Variants in SMOC1 observed in about 807,000 individuals in gnomAD.
SMOC1 encodes the protein SPARC-related modular calcium-binding protein 1.
In SMOC1, 22 loss-of-function variants were observed where a neutral mutation model predicts 56.3. The ratio of observed to expected loss-of-function variants is 0.39; its 90% CI spans 0.28 to 0.56. The LOEUF (loss-of-function observed/expected upper bound fraction) is 0.56, where lower values mean the gene tolerates loss of function less well. Among genes scored for constraint, SMOC1 ranks in the 20% least tolerant of loss-of-function variants. The pLI, the probability that SMOC1 is intolerant of heterozygous loss-of-function variation, is 0.61. For synonymous variants in SMOC1, 193 were observed against 215.0 expected (o/e 0.90, Z 0.89); for missense variants, 509 against 565.4 (o/e 0.90, Z 1.01).
chr14:69,883,652 G>T (rs1883707122), intron 1 of SMOC1, among the ~76,000 whole-genome samples: 1 of 152,204 alleles, frequency 6.6e-6, no homozygotes, highest in African/African-American at 2.4e-5. Context: ...CCAGCAGTGA[G>T]ATTGCTGGAT....
chr14:70,029,786 C>G (rs571522613), intron 11 of SMOC1, among the ~76,000 whole-genome samples: 16 of 152,292 alleles, frequency 1.1e-4, no homozygotes, highest in Admixed American at 1.0e-3. Context: ...ACTTAAGCTC[C>G]CATTTTCAGG....
chr14:70,011,087 G>T, intron 8 of SMOC1, 141 bp downstream of exon 8: 1 of 948,990 alleles, frequency 1.1e-6, no homozygotes. Flanking sequence ...AAGAGTTTCA[G>T]GTAGAAAGAC....
intron 4 of SMOC1, among the ~76,000 whole-genome samples, chr14:69,976,504 A>G (rs937341757): frequency 1.3e-5 from 2 of 152,210 alleles, no homozygotes; most frequent in African/African-American, 4.8e-5. Flanking sequence ...ATAGTGATCC[A>G]TTGGGTTAGG....
At chr14:69,953,559 C>A in intron 3 of SMOC1, 27 bp downstream of exon 3, 1 of 1,593,506 alleles carries the variant, frequency 6.3e-7, no homozygotes, top group Non-Finnish European at 8.6e-7. Flanking sequence ...TCCTCTTGGG[C>A]TCTTTCCTGG....
In SMOC1 at chr14:69,948,811, A is replaced by G. The variant is rs182982817; in HGVS notation, c.100-3327A>G. Among the ~76,000 whole-genome samples, 3 of 152,308 alleles carry G rather than the reference A, an allele frequency of 2.0e-5. No individual in the cohort carries two copies. The East Asian group carries it at 5.8e-4, about 29-fold the overall frequency. On this transcript the variant is annotated intron_variant, in intron 1 of 11. Transcript: ENST00000361956. The stretch of plus-strand genomic sequence containing the variant: ...ACCACCCTATGAGGCAAGGCTTGTT[A>G]CTACTCTCATTTTACGGATGAGAAA...
rs1883735669 is a variant in SMOC1 at position 69,884,313 on chromosome 14, T to C, written c.99+4536T>C. Among the ~76,000 whole-genome samples the C allele has an allele frequency of 2.0e-5, 3 of 152,180 alleles. No homozygotes were observed. In the South Asian group the frequency reaches 6.2e-4, roughly 31 times the overall value. Reference sequence around the variant, plus strand: ...TTGCATTGTTTTTTGTTTTTTTTGCTATTAAGTGATTTGAGTTCTCTGTGT... The same window carrying C: ...TTGCATTGTTTTTTGTTTTTTTTGCCATTAAGTGATTTGAGTTCTCTGTGT... On this transcript the variant is annotated intron_variant, in intron 1 of 11. Transcript: ENST00000361956.
intron 1 of SMOC1, among the ~76,000 whole-genome samples, chr14:69,925,639 C>A (rs546132207): frequency 1.3e-5 from 2 of 152,280 alleles, no homozygotes; most frequent in Middle Eastern, 6.8e-3. Flanking sequence ...TCTCCGTCTC[C>A]GGCACTAAGA....
intron 1 of SMOC1, among the ~76,000 whole-genome samples, chr14:69,908,480 C>T (rs1359875949): frequency 6.6e-6 from 1 of 152,152 alleles, no homozygotes; most frequent in Non-Finnish European, 1.5e-5. Flanking sequence ...CTTGCATCTT[C>T]TTGGTGGCTG....
chr14:70,007,832 G>A (rs1480930778), intron 7 of SMOC1, among the ~76,000 whole-genome samples: 1 of 152,180 alleles, frequency 6.6e-6, no homozygotes, highest in Non-Finnish European at 1.5e-5. Context: ...ATCACTCAAT[G>A]AATGTTTGTT....
rs1324250900 is a variant in SMOC1, at chr14:69,953,649, G to T, written c.378+117G>T. 7 of 822,090 alleles carry T rather than the reference G, an allele frequency of 8.5e-6. No homozygotes were observed. The East Asian group carries it at 1.0e-4, about 12-fold the overall frequency. 50.9% of individuals were successfully genotyped at this position (822,090 alleles called of 1,614,324 possible). On this transcript the variant is annotated intron_variant, in intron 3 of 11. Transcript: ENST00000361956. Reference sequence around the variant, plus strand: ...TTTCTGGGAAACAGTTGAGTGAGTGGCTCTTCAACTCCCCTCTGTGCTGCC... The same window carrying T: ...TTTCTGGGAAACAGTTGAGTGAGTGTCTCTTCAACTCCCCTCTGTGCTGCC...
At chr14:69,892,521 AT>A (rs933414221) in intron 1 of SMOC1, among the ~76,000 whole-genome samples, 23 of 151,928 alleles carry the variant, frequency 1.5e-4, no homozygotes, top group African/African-American at 4.3e-4. Flanking sequence ...TAGTCATTAA[AT>A]TTTTTTTTGT....
chr14:69,928,010 G>A (rs1217072782), intron 1 of SMOC1, among the ~76,000 whole-genome samples: 1 of 152,214 alleles, frequency 6.6e-6, no homozygotes, highest in Non-Finnish European at 1.5e-5. Context: ...GGCAAGTAGG[G>A]AAAGGAGGGA....
chr14:70,007,626 T>C (rs1408437706), intron 7 of SMOC1, among the ~76,000 whole-genome samples: 1 of 152,194 alleles, frequency 6.6e-6, no homozygotes, highest in African/African-American at 2.4e-5. Context: ...GGCAACACTG[T>C]CTAGAGGTTA....
rs773574129 is a variant in SMOC1, at chr14:70,011,482, C to T, written c.858-3C>T. ...AACCCCCCCCATATCTCTCTTTTCC[C>T]AGCTACGTGATGCCCAGTTGTGAGA... is the stretch of plus-strand genomic sequence containing the variant. On this transcript the variant is annotated splice_region_variant and splice_polypyrimidine_tract_variant and intron_variant, in intron 8 of 11. Transcript: ENST00000361956. 1 of 1,603,660 alleles carries T rather than the reference C, an allele frequency of 6.2e-7. No individual in the cohort carries two copies. The highest frequency in any genetic ancestry group is 1.1e-5 in the South Asian group (1 of 90,910).
At chr14:69,964,568 G>A (rs1054480308) in intron 3 of SMOC1, among the ~76,000 whole-genome samples, 5 of 151,836 alleles carry the variant, frequency 3.3e-5, no homozygotes, top group African/African-American at 1.2e-4. Flanking sequence ...TAGTAGAGAC[G>A]GGGTTTCACT....
chr14:69,946,388 A>T (rs1262255100), intron 1 of SMOC1, among the ~76,000 whole-genome samples: 1 of 152,252 alleles, frequency 6.6e-6, no homozygotes, highest in Non-Finnish European at 1.5e-5. Context: ...GTTTGGAGTC[A>T]TCCACTCTGC....
At chr14:69,968,723 A>G (rs755794761) in intron 3 of SMOC1, among the ~76,000 whole-genome samples, 13 of 152,192 alleles carry the variant, frequency 8.5e-5, no homozygotes, top group Non-Finnish European at 1.5e-4. Context: ...TTAGAAAAAT[A>G]CTCACATTCT....
chr14:69,908,574 T>C (rs1217991862), intron 1 of SMOC1, among the ~76,000 whole-genome samples: 1 of 152,132 alleles, frequency 6.6e-6, no homozygotes. Flanking sequence ...AAGAACACAG[T>C]AGACCCCTGG....
intron 1 of SMOC1, among the ~76,000 whole-genome samples, chr14:69,918,792 G>C (rs987010699): frequency 2.0e-5 from 3 of 152,118 alleles, no homozygotes; most frequent in Non-Finnish European, 4.4e-5. Context: ...ACTTTTCATA[G>C]CTGCCCAGCT....
Sources: allele counts gnomAD v4.1 joint callset (sites outside exome capture counted in the v4.1 genomes callset), GRCh38; gene constraint gnomAD v4.1.1; transcripts MANE v1.5; gene names NCBI Gene and HGNC (gene_info 2026-07-23, HGNC 2026-07-21).